Variants in PDS5B observed in about 807,000 individuals in gnomAD.
PDS5B encodes the protein PDS5 cohesin associated factor B.
In PDS5B, 51 loss-of-function variants were observed where a neutral mutation model predicts 184.1. That is an observed-to-expected ratio of 0.28 (90% CI 0.22 to 0.35). The LOEUF is 0.35. Among genes scored for constraint, PDS5B ranks in the 10% least tolerant of loss-of-function variants. PDS5B has a pLI of 1.00. For missense variants in PDS5B, 1,180 were observed against 1,723.3 expected, an observed-to-expected ratio of 0.68 and a Z score of 5.58; for synonymous variants, 566 against 569.2, an observed-to-expected ratio of 0.99 and a Z score of 0.08.
At chr13:32,705,864 G>A (rs945422426) in intron 17 of PDS5B, among the ~76,000 whole-genome samples, 2 of 152,048 alleles carry the variant, frequency 1.3e-5, no homozygotes, top group Non-Finnish European at 2.9e-5. Context: ...ACAGGGTCTC[G>A]TTATGTTGCT....
In PDS5B at chr13:32,635,223, T is replaced by TG. The variant is rs369466967; in HGVS notation, c.-19-13524dup. ...TTTTTTTTTTTTTTTTTTGTGGAGA[T>TG]GGGGGGGTCTCACTGTATTGCCCAG... On this transcript the variant is annotated intron_variant, in intron 1 of 34. Coordinates refer to ENST00000315596, the MANE Select transcript of PDS5B (RefSeq NM_015032.4). 5.9e-3 allele frequency among the ~76,000 whole-genome samples: 742 copies of TG among 126,112 alleles called. 10 individuals carry two copies. Among genetic ancestry groups the TG allele is most frequent in the African/African-American group, 0.015 (509 of 32,866 alleles). The allele number at this position is 126,112 out of a possible 152,430, so 82.7% of individuals were successfully genotyped here.
At chr13:32,639,356 A>G (rs1474423169) in intron 1 of PDS5B, among the ~76,000 whole-genome samples, 1 of 152,210 alleles carries the variant, frequency 6.6e-6, no homozygotes, top group African/African-American at 2.4e-5. Flanking sequence ...GAAAGGGTCC[A>G]GTTTCTAAAA....
intron 1 of PDS5B, among the ~76,000 whole-genome samples, chr13:32,634,187 C>T (rs1301927602): frequency 1.3e-5 from 2 of 152,118 alleles, no homozygotes; most frequent in Non-Finnish European, 2.9e-5. Context: ...ATACAAATCT[C>T]ATTTCTCTTT....
intron 19 of PDS5B, among the ~76,000 whole-genome samples, chr13:32,719,956 A>ATT (rs57485603): frequency 6.6e-6 from 1 of 150,962 alleles, no homozygotes; most frequent in African/African-American, 2.4e-5. Context: ...ACCCCTGGCA[A>ATT]TTTTTTTTTG....
chr13:32,677,815 G>C (rs968788442), intron 9 of PDS5B, among the ~76,000 whole-genome samples: 1 of 151,998 alleles, frequency 6.6e-6, no homozygotes, highest in Non-Finnish European at 1.5e-5. Flanking sequence ...ATAGAATTAA[G>C]ACATATGAAA....
intron 1 of PDS5B, among the ~76,000 whole-genome samples, chr13:32,644,606 T>C (rs1379689125): frequency 1.3e-5 from 2 of 152,160 alleles, no homozygotes; most frequent in Admixed American, 6.5e-5. Flanking sequence ...TGATAGTAGG[T>C]ATGTTCCTGT....
At chr13:32,749,669 T>G (rs540776531) in intron 24 of PDS5B, among the ~76,000 whole-genome samples, 1 of 152,268 alleles carries the variant, frequency 6.6e-6, no homozygotes, top group Middle Eastern at 3.4e-3. Context: ...TAGAGATGTA[T>G]CAATAATACA....
chr13:32,613,244 G>A (rs2058168926), intron 1 of PDS5B, among the ~76,000 whole-genome samples: 1 of 152,030 alleles, frequency 6.6e-6, no homozygotes, highest in African/African-American at 2.4e-5. Context: ...CTTTCTCTTG[G>A]GTATAAACAT....
chr13:32,701,955 A>C (rs1443542762), intron 17 of PDS5B, among the ~76,000 whole-genome samples: 1 of 152,098 alleles, frequency 6.6e-6, no homozygotes, highest in Non-Finnish European at 1.5e-5. Context: ...GAGAAGTTGG[A>C]AACATTTCTT....
chr13:32,655,374 A>ATATATTTTTTTTTTTTTT, intron 3 of PDS5B, among the ~76,000 whole-genome samples: 2 of 72,484 alleles, frequency 2.8e-5, no homozygotes, highest in Admixed American at 1.8e-4. Context: ...ATATATATAT[A>ATATATTTTTTTTTTTTTT]TTTTTTTTTT....
chr13:32,760,046 C>T (rs1290855220), intron 29 of PDS5B, among the ~76,000 whole-genome samples: 1 of 152,070 alleles, frequency 6.6e-6, no homozygotes, highest in Non-Finnish European at 1.5e-5. Context: ...AGCTCCGCCT[C>T]CTGGGTTCAA....
chr13:32,676,391 A>G (rs1048084668), intron 9 of PDS5B, among the ~76,000 whole-genome samples: 1 of 152,118 alleles, frequency 6.6e-6, no homozygotes, highest in Non-Finnish European at 1.5e-5. Context: ...CTTCTGTATT[A>G]CTCAGTTAAA....
chr13:32,635,170 G>GTTTTTTTTTTTTTT lies in PDS5B; in HGVS notation c.-19-13552_-19-13539dup, dbSNP rs71071054. Among the ~76,000 whole-genome samples, 10 of 81,118 alleles carry GTTTTTTTTTTTTTT rather than the reference G, an allele frequency of 1.2e-4. 1 individual carries two copies. The highest frequency in any genetic ancestry group is 3.7e-4 in the East Asian group (1 of 2,718). 53.2% of individuals were successfully genotyped at this position (81,118 alleles called of 152,430 possible). A position where few individuals can be genotyped will look rare whatever the true frequency, so the allele number is the denominator to read the frequency against. On this transcript the variant is annotated intron_variant, in intron 1 of 34. Transcript: ENST00000315596. ...TGCACCACCATGTCCAGCCAATTAC[G>GTTTTTTTTTTTTTT]TTTTTTTTTTTTTTTTTTTTTTTTT...
Position 32,742,617 on chromosome 13 carries a change from A to G in PDS5B, c.2502A>G (p.Arg834=). 1.9e-6 allele frequency: 3 copies of G among 1,612,094 alleles called. No individual in the cohort carries two copies. Among genetic ancestry groups the G allele is most frequent in the Non-Finnish European group, 2.5e-6 (3 of 1,178,484 alleles). ...TTCAGGCTATTAAAATGATGGTTCGATGGCTACTTGGAATGAAAAATAATC... is the reference window on the plus strand; with the variant it reads ...TTCAGGCTATTAAAATGATGGTTCGGTGGCTACTTGGAATGAAAAATAATC... ...VKIQAIKMMV[R]WLLGMKNNHS... The change falls in exon 23 of 35, where the codon CGA becomes CGG. Residue 834 remains arginine, a synonymous_variant. Coordinates refer to ENST00000315596, the MANE Select transcript of PDS5B (RefSeq NM_015032.4).
chr13:32,595,305 T>G (rs1027694492), intron 1 of PDS5B, among the ~76,000 whole-genome samples: 1 of 152,168 alleles, frequency 6.6e-6, no homozygotes, highest in Admixed American at 6.5e-5. Context: ...TCTGATATAG[T>G]ATTTTTAAAG....
intron 21 of PDS5B, among the ~76,000 whole-genome samples, chr13:32,736,867 C>T (rs867499688): frequency 6.6e-6 from 1 of 152,006 alleles, no homozygotes; most frequent in Non-Finnish European, 1.5e-5. Flanking sequence ...TGAGTTCACT[C>T]GCTTCAGTTT....
At chr13:32,605,702 C>CGAA (rs991713404) in intron 1 of PDS5B, among the ~76,000 whole-genome samples, 5 of 152,144 alleles carry the variant, frequency 3.3e-5, no homozygotes, top group African/African-American at 1.2e-4. Flanking sequence ...GTGTGGGAGT[C>CGAA]TAAGTCTCTT....
At chr13:32,633,955 A>T (rs184266050) in intron 1 of PDS5B, among the ~76,000 whole-genome samples, 1 of 152,160 alleles carries the variant, frequency 6.6e-6, no homozygotes, top group African/African-American at 2.4e-5. Flanking sequence ...ATGTTATGCA[A>T]TGCCTCCTGG....
chr13:32,752,465 G>A lies in PDS5B; in HGVS notation c.2737-867G>A, dbSNP rs528301576. 4.6e-5 allele frequency among the ~76,000 whole-genome samples: 7 copies of A among 152,276 alleles called. No homozygotes were observed. The East Asian group carries it at 9.6e-4, about 21-fold the overall frequency. ...ATCTATGTGCCAGGTTTTTTGTTAG[G>A]CTTAGAGAGATAAAAACATAATTCT... is the stretch of plus-strand genomic sequence containing the variant. On this transcript the variant is annotated intron_variant, in intron 24 of 34. Coordinates refer to ENST00000315596, the MANE Select transcript of PDS5B (RefSeq NM_015032.4).
Sources: allele counts gnomAD v4.1 joint callset (sites outside exome capture counted in the v4.1 genomes callset), GRCh38; gene constraint gnomAD v4.1.1; transcripts MANE v1.5; gene names NCBI Gene and HGNC (gene_info 2026-07-23, HGNC 2026-07-21).